Variants in PDE1A observed in about 807,000 individuals in gnomAD.
PDE1A encodes the protein dual specificity calcium/calmodulin-dependent 3',5'-cyclic nucleotide phosphodiesterase 1A.
A neutral mutation model predicts 61.7 loss-of-function variants in PDE1A; 35 were observed. The observed-to-expected ratio is 0.57, with a 90% CI of 0.43 to 0.75. PDE1A has a LOEUF of 0.75. Ranked by LOEUF, PDE1A falls within the 30% of genes least tolerant of loss-of-function variation. The pLI is 0.00. For missense variants in PDE1A, 597 were observed against 630.6 expected, an observed-to-expected ratio of 0.95 and a Z score of 0.57; for synonymous variants, 232 against 213.2, an observed-to-expected ratio of 1.09 and a Z score of -0.77.
the PDE1A span, among the ~76,000 whole-genome samples, chr2:182,578,435 A>G: frequency 6.6e-5 from 10 of 152,342 alleles, no homozygotes; most frequent in East Asian, 1.5e-3. Flanking sequence ...TATGATTTCA[A>G]AAAGAAAGTC....
the PDE1A span, among the ~76,000 whole-genome samples, chr2:182,555,992 A>AGTGGCATTCTTTTGACTT: frequency 1.3e-5 from 2 of 148,328 alleles, no homozygotes; most frequent in Non-Finnish European, 3.0e-5. Context: ...AAAAAAAAAA[A>AGTGGCATTCTTTTGACTT]AAGAGTGGCA....
the PDE1A span, among the ~76,000 whole-genome samples, chr2:182,632,165 G>T: frequency 6.6e-6 from 1 of 152,034 alleles, no homozygotes; most frequent in Non-Finnish European, 1.5e-5. Flanking sequence ...GACAGAGAGA[G>T]AGATTTTTTC....
intron 1 of PDE1A, among the ~76,000 whole-genome samples, chr2:182,309,319 A>G (rs529267536): frequency 6.6e-6 from 1 of 152,236 alleles, no homozygotes; most frequent in East Asian, 1.9e-4. Flanking sequence ...AATAGAAAAT[A>G]ACATTGAGCA....
chr2:182,413,758 A>C (rs1702754382), intron 1 of PDE1A, among the ~76,000 whole-genome samples: 2 of 152,196 alleles, frequency 1.3e-5, no homozygotes, highest in African/African-American at 2.4e-5. Flanking sequence ...CTTAACATAA[A>C]CGTTATAAAG....
At chr2:182,585,654 A>G in the PDE1A span, among the ~76,000 whole-genome samples, 1 of 152,212 alleles carries the variant, frequency 6.6e-6, no homozygotes, top group Non-Finnish European at 1.5e-5. Context: ...TAACACAAGG[A>G]AAACAAGAAG....
intron 1 of PDE1A, among the ~76,000 whole-genome samples, chr2:182,304,629 C>T (rs2125926119): frequency 6.6e-6 from 1 of 152,208 alleles, no homozygotes; most frequent in East Asian, 1.9e-4. Context: ...GGTTAACTGT[C>T]CTAATTTCAA....
the PDE1A span, among the ~76,000 whole-genome samples, chr2:182,624,688 A>C: frequency 1.3e-5 from 2 of 152,136 alleles, no homozygotes; most frequent in Admixed American, 1.3e-4. Flanking sequence ...CTTCTTGAGC[A>C]GCTGATTATT....
intron 2 of PDE1A, among the ~76,000 whole-genome samples, chr2:182,475,003 T>C (rs991963642): frequency 3.3e-5 from 5 of 151,942 alleles, no homozygotes; most frequent in Non-Finnish European, 7.4e-5. Flanking sequence ...CTTGACATCA[T>C]TCTGGGGTAT....
chr2:182,166,974 T>G (rs971007626), downstream of PDE1A, among the ~76,000 whole-genome samples: 2 of 152,120 alleles, frequency 1.3e-5, no homozygotes, highest in Non-Finnish European at 2.9e-5. Flanking sequence ...AAGAAATAAC[T>G]TAGCTAACCT....
chr2:182,198,017 G>A (rs1686278691), intron 10 of PDE1A, among the ~76,000 whole-genome samples: 1 of 151,726 alleles, frequency 6.6e-6, no homozygotes, highest in Admixed American at 6.6e-5. Context: ...TAGAAATATT[G>A]AGTCTTTCAG....
At chr2:182,564,375 T>C in the PDE1A span, among the ~76,000 whole-genome samples, 7 of 152,224 alleles carry the variant, frequency 4.6e-5, no homozygotes, top group Non-Finnish European at 8.8e-5. Flanking sequence ...GAATGTTGAA[T>C]ATTGGCCCCC....
intron 2 of PDE1A, among the ~76,000 whole-genome samples, chr2:182,441,941 G>A (rs1388790361): frequency 3.3e-5 from 5 of 151,958 alleles, no homozygotes; most frequent in African/African-American, 9.7e-5. Flanking sequence ...TAGGAATAAA[G>A]GTCCTCCTAC....
chr2:182,329,860 C>T (rs1697287981), intron 1 of PDE1A, among the ~76,000 whole-genome samples: 2 of 152,178 alleles, frequency 1.3e-5, no homozygotes, highest in South Asian at 4.1e-4. Flanking sequence ...TTTAGAAAGA[C>T]TCCACAACGA....
intron 5 of PDE1A, among the ~76,000 whole-genome samples, chr2:182,230,354 A>G (rs1689478240): frequency 6.6e-6 from 1 of 152,192 alleles, no homozygotes. Context: ...GTATTTGACT[A>G]GGACAGATTA....
At chr2:182,522,144 T>C in intron 2 of PDE1A, 1 of 685,554 alleles carries the variant, frequency 1.5e-6, no homozygotes, top group Non-Finnish European at 2.5e-6. Flanking sequence ...TTAGCTGAGG[T>C]AGGCACATTT....
intron 1 of PDE1A, among the ~76,000 whole-genome samples, chr2:182,283,821 AG>A (rs1376637383): frequency 1.3e-5 from 2 of 152,120 alleles, no homozygotes; most frequent in Admixed American, 6.6e-5. Flanking sequence ...TCATTAAATT[AG>A]TGGTTAGCTA....
intron 13 of PDE1A, among the ~76,000 whole-genome samples, chr2:182,169,914 A>ACACG (rs1485621654): frequency 3.5e-3 from 351 of 101,696 alleles, no homozygotes; most frequent in Admixed American, 0.012. Context: ...ACACACACAC[A>ACACG]CACACACGCA....
chr2:182,542,181 C>T, the PDE1A span, among the ~76,000 whole-genome samples: 6 of 151,990 alleles, frequency 3.9e-5, no homozygotes, highest in African/African-American at 9.7e-5. Context: ...TACATCTATA[C>T]CTATGCGATT....
chr2:182,412,056 T>C (rs891164040), intron 1 of PDE1A, among the ~76,000 whole-genome samples: 2 of 68,052 alleles, frequency 2.9e-5, no homozygotes, highest in African/African-American at 1.3e-4. Context: ...AGACTCCATC[T>C]CGAAAAAAAA....
Sources: allele counts gnomAD v4.1 joint callset (sites outside exome capture counted in the v4.1 genomes callset), GRCh38; gene constraint gnomAD v4.1.1; transcripts MANE v1.5; gene names NCBI Gene and HGNC (gene_info 2026-07-23, HGNC 2026-07-21).